The following NLRC3 variants were observed in gnomAD, a reference collection of about 807,000 sequenced individuals.
NLRC3 encodes NLR family CARD domain containing 3, also known as NLR family CARD domain-containing protein 3.
NLRC3 carries 87 observed loss-of-function variants against 91.6 expected under a neutral mutation model. The observed-to-expected ratio is 0.95, with a 90% confidence interval of 0.80 to 1.14. The LOEUF (loss-of-function observed/expected upper bound fraction) is 1.14, where lower values mean the gene tolerates loss of function less well. Ranked by LOEUF, NLRC3 falls within the 50% of genes most tolerant of loss-of-function variation. The pLI is 0.00. For synonymous variants in NLRC3, 694 were observed against 625.3 expected (o/e 1.11, Z -1.64); for missense variants, 1,577 against 1,418.6 (o/e 1.11, Z -1.79).
intron 9 of NLRC3, among the ~76,000 whole-genome samples, chr16:3,552,483 C>T (rs1454413531): frequency 1.3e-5 from 2 of 152,112 alleles, no homozygotes; most frequent in Non-Finnish European, 2.9e-5. Context: ...AGTAAGGGGT[C>T]AGGGCAGCTG....
chr16:3,558,218 C>T (rs1022021295), intron 6 of NLRC3, among the ~76,000 whole-genome samples: 2 of 152,104 alleles, frequency 1.3e-5, no homozygotes, highest in African/African-American at 4.8e-5. Context: ...ACCTGTAGTC[C>T]AAGCTACTTG....
In NLRC3 at chr16:3,541,867, C is replaced by T. The variant is rs1190960641; in HGVS notation, c.3156G>A (p.Glu1052=). The change falls in exon 20 of 20, where the codon GAG becomes GAA. Residue 1052 remains glutamate (E), a synonymous_variant. Transcript: ENST00000359128. ...ACGTGGGAGCATTTGTCTTGATGGC[C>T]TCTGAGATCATCCTGGCCCCGGAGT... ...IGDSGARMIS[E]AIKTNAPTCT... 7.4e-6 allele frequency: 12 copies of T among 1,613,038 alleles called. No homozygotes were observed. The highest frequency in any genetic ancestry group is 1.0e-5 in the Non-Finnish European group (12 of 1,179,404).
intron 2 of NLRC3, among the ~76,000 whole-genome samples, chr16:3,565,743 C>T (rs1333755287): frequency 1.3e-5 from 2 of 151,924 alleles, no homozygotes; most frequent in African/African-American, 2.4e-5. Flanking sequence ...GAACGTACAA[C>T]TCCAAGAGTG....
intron 16 of NLRC3, 84 bp downstream of exon 16, chr16:3,544,162 G>GAAAAA: frequency 1.5e-6 from 1 of 670,070 alleles, no homozygotes; most frequent in Admixed American, 2.8e-5. Flanking sequence ...TTGTCTCGAG[G>GAAAAA]AAAAAAAAAA....
Position 3,577,134 on chromosome 16 carries a change from C to T in NLRC3, c.-169+15G>A. ...CTCCCCTGCCCTGCACTGAGGTCAC[C>T]TGGACCCAACTTACCTCCCGGGCCT... On this transcript the variant is annotated intron_variant, in intron 1 of 19. Transcript: ENST00000359128. The T allele has an allele frequency of 1.4e-6, 1 of 703,096 alleles. No individual in the cohort carries two copies. Among genetic ancestry groups the T allele is most frequent in the Non-Finnish European group, 2.6e-6 (1 of 385,018 alleles). The allele number at this position is 703,096 out of a possible 1,614,324, so 43.6% of individuals were successfully genotyped here. A position where few individuals can be genotyped will look rare whatever the true frequency, so the allele number is the denominator to read the frequency against.
intron 1 of NLRC3, 44 bp downstream of exon 1, chr16:3,577,105 C>T (rs753664169): frequency 7.1e-6 from 5 of 703,024 alleles, no homozygotes; most frequent in African/African-American, 1.7e-5. Context: ...AGCATCCCTT[C>T]TCCCTCCCCT....
rs769521031 is a variant in NLRC3, at chr16:3,564,976, G to T, written c.61C>A (p.Pro21Thr). ...EAGQGHGTGSPAEQVKALMDL... is the reference protein window; with the variant it reads ...EAGQGHGTGSTAEQVKALMDL... The stretch of plus-strand genomic sequence containing the variant: ...ATGAGGGCTTTCACCTGCTCGGCTG[G>T]GGAGCCCGTACCGTGGCCCTGGCCG... The change falls in exon 4 of 20, where the codon CCA becomes ACA. Residue 21 changes from proline (P) to threonine (T), a missense_variant. Pro to Thr is a conservative substitution (Grantham distance 38, BLOSUM62 -1). Transcript: ENST00000359128. This position sits in a 1 kb window ranked among gnomAD's most constrained non-coding sequence, Gnocchi z 5.9. 3 of 1,610,618 alleles carry T rather than the reference G, an allele frequency of 1.9e-6. No individual in the cohort carries two copies. The Admixed American group carries it at 5.0e-5, about 27-fold the overall frequency.
intron 11 of NLRC3, among the ~76,000 whole-genome samples, 169 bp from the exon 12 acceptor site, chr16:3,549,949 C>A (rs368639505): frequency 6.6e-6 from 1 of 152,084 alleles, no homozygotes; most frequent in African/African-American, 2.4e-5. Context: ...CCCAGCCCCC[C>A]ACCTTCTAGC....
At chr16:3,556,040 C>G (rs2151092883) in intron 8 of NLRC3, 1 of 150,584 alleles carries the variant, frequency 6.6e-6, no homozygotes, top group Admixed American at 6.6e-5. Flanking sequence ...TTAAAAGAGA[C>G]ATAACTGGCT....
In NLRC3 at chr16:3,548,729, G is replaced by C; in HGVS notation, c.2628C>G (p.Asp876Glu). Residue 876 changes from aspartate (D) to glutamate (E), a missense_variant, in exon 14 of 20, where the codon GAC becomes GAG. Physicochemically the swap from Asp to Glu is conservative, Grantham distance 45 (BLOSUM62 2). Transcript: ENST00000359128. ...NLDLTANLLH[D>E]QGARAIAVAV... ...CCACTGCGATGGCCCGGGCACCCTGGTCGTGGAGGAGGTTGGCTGTCAGGC... is the reference window on the plus strand; with the variant it reads ...CCACTGCGATGGCCCGGGCACCCTGCTCGTGGAGGAGGTTGGCTGTCAGGC... 2 of 1,604,680 alleles carry C rather than the reference G, an allele frequency of 1.2e-6. No homozygotes were observed. Among genetic ancestry groups the C allele is most frequent in the Middle Eastern group, 3.3e-4 (2 of 6,048 alleles).
chr16:3,550,855 G>A (rs2038955997), intron 10 of NLRC3, among the ~76,000 whole-genome samples: 1 of 152,158 alleles, frequency 6.6e-6, no homozygotes, highest in South Asian at 2.1e-4. Flanking sequence ...CCAGTCCTGG[G>A]AATCTGAGTC....
At chr16:3,568,792 T>C (rs1004506021) in intron 1 of NLRC3, among the ~76,000 whole-genome samples, 3 of 152,322 alleles carry the variant, frequency 2.0e-5, no homozygotes, top group African/African-American at 4.8e-5. Context: ...TGTGGGTAAT[T>C]TGAGGTCCTT....
chr16:3,577,309 T>C lies in NLRC3; in HGVS notation c.-329A>G, dbSNP rs144825355. Reference sequence around the variant, plus strand: ...TCTCAGGACCAGGGATCAGGGCACTTACCACGCCAACCAACCAACCGTGTG... The same window carrying C: ...TCTCAGGACCAGGGATCAGGGCACTCACCACGCCAACCAACCAACCGTGTG... On this transcript the variant is annotated 5_prime_UTR_variant, in exon 1 of 20. Transcript: ENST00000359128. 1,264 of 660,604 alleles carry C rather than the reference T, an allele frequency of 1.9e-3. 13 individuals are homozygous for C. In the African/African-American group the frequency reaches 0.02, roughly 11 times the overall value. The allele number at this position is 660,604 out of a possible 1,614,324, so 40.9% of individuals were successfully genotyped here.
intron 1 of NLRC3, among the ~76,000 whole-genome samples, chr16:3,571,837 G>A (rs2040108578): frequency 6.6e-6 from 1 of 151,598 alleles, no homozygotes; most frequent in South Asian, 2.1e-4. Flanking sequence ...CTACTCGGGA[G>A]GCTGAGGCAG....
chr16:3,547,727 G>A (rs2038773055), intron 15 of NLRC3, among the ~76,000 whole-genome samples: 1 of 152,166 alleles, frequency 6.6e-6, no homozygotes, highest in Non-Finnish European at 1.5e-5. Context: ...GGAGTGCAGT[G>A]ACGCGATCTC....
At position 3,577,190 on chromosome 16, in the gene NLRC3, G is replaced by C; in HGVS notation, c.-210C>G. On this transcript the variant is annotated 5_prime_UTR_variant, in exon 1 of 20. Coordinates refer to ENST00000359128, the MANE Select transcript of NLRC3 (RefSeq NM_178844.4). ...CTGCTCCAGGGACAGCAAGACTGGG[G>C]GGCCTGGGGGCGTCCATCTCCATGC... 1 of 702,916 alleles carries C rather than the reference G, an allele frequency of 1.4e-6. No homozygotes were observed. The highest frequency in any genetic ancestry group is 2.6e-6 in the Non-Finnish European group (1 of 384,950). The allele number at this position is 702,916 out of a possible 1,614,324, so 43.5% of individuals were successfully genotyped here. A position where few individuals can be genotyped will look rare whatever the true frequency, so the allele number is the denominator to read the frequency against.
At chr16:3,547,691 CAG>C (rs1019079089) in intron 15 of NLRC3, among the ~76,000 whole-genome samples, 11 of 151,154 alleles carry the variant, frequency 7.3e-5, no homozygotes, top group African/African-American at 2.7e-4. Context: ...TATTTTTTAA[CAG>C]GGTCTCACTC....
intron 10 of NLRC3, among the ~76,000 whole-genome samples, chr16:3,551,602 C>CCCAT (rs35701475): frequency 1.9e-3 from 286 of 149,976 alleles, no homozygotes; most frequent in Admixed American, 7.0e-3. Context: ...CACTCATCCA[C>CCCAT]CCATCCATCC....
At chr16:3,542,336 G>A (rs1187661030) in intron 18 of NLRC3, 62 bp from the exon 19 acceptor site, 2 of 1,021,108 alleles carry the variant, frequency 2.0e-6, no homozygotes, top group African/African-American at 1.6e-5. Flanking sequence ...AACACCCGGG[G>A]AAGCAACAGT....
Sources: gnomAD v4.1 joint callset for allele counts (sites outside exome capture counted in the v4.1 genomes callset) on GRCh38, gnomAD v4.1.1 for gene constraint, Gnocchi (gnomAD v3.1) non-coding constraint, MANE v1.5 for transcripts, NCBI Gene and HGNC (gene_info 2026-07-23, HGNC 2026-07-21) for gene names.